Variants in PLCL2 observed in about 807,000 individuals in gnomAD.
The protein encoded by PLCL2 is inactive phospholipase C-like protein 2.
Under a neutral mutation model 79.6 loss-of-function variants are expected in PLCL2, and 4 were observed. The observed-to-expected ratio is 0.05, with a 90% confidence interval of 0.02 to 0.11. The LOEUF is 0.11. Ranked by LOEUF, PLCL2 falls within the 10% of genes least tolerant of loss-of-function variation. PLCL2 has a pLI of 1.00. For synonymous variants in PLCL2, 484 were observed against 457.7 expected, an observed-to-expected ratio of 1.06 and a Z score of -0.73; for missense variants, 895 against 1,291.0, an observed-to-expected ratio of 0.69 and a Z score of 4.70.
chr3:16,944,155 A>G (rs539051174), intron 1 of PLCL2, among the ~76,000 whole-genome samples: 45 of 152,338 alleles, frequency 3.0e-4, no homozygotes, highest in African/African-American at 1.0e-3. Flanking sequence ...GTATATGGAG[A>G]TGATAATACT....
chr3:16,952,360 CAAAAAAAAAAAAAAAAAAA>C (rs35421244), intron 1 of PLCL2, among the ~76,000 whole-genome samples: 106 of 22,636 alleles, frequency 4.7e-3, no homozygotes, highest in Non-Finnish European at 7.0e-3. Context: ...GAACTTAAAG[CAAAAAAAAAAAAAAAAAAA>C]AAAAAAAAAA....
intron 4 of PLCL2, among the ~76,000 whole-genome samples, chr3:17,043,213 G>A (rs2064744759): frequency 6.6e-6 from 1 of 152,150 alleles, no homozygotes; most frequent in Non-Finnish European, 1.5e-5. Context: ...TGTTTCTAAT[G>A]TACAGCCAAA....
chr3:16,990,029 T>G lies in PLCL2; in HGVS notation c.328-19645T>G, dbSNP rs549452644. 2.6e-5 allele frequency among the ~76,000 whole-genome samples: 4 copies of G among 152,200 alleles called. No individual in the cohort carries two copies. In the South Asian group the frequency reaches 8.3e-4, roughly 32 times the overall value. Reference sequence around the variant, plus strand: ...AAGGAAGCGTATCTGAGATTGTCACTCAACTGGGAATGATATAGGCAGAGG... The same window carrying G: ...AAGGAAGCGTATCTGAGATTGTCACGCAACTGGGAATGATATAGGCAGAGG... On this transcript the variant is annotated intron_variant, in intron 1 of 5. Transcript: ENST00000615277.
intron 1 of PLCL2, among the ~76,000 whole-genome samples, chr3:16,919,263 A>G (rs1275810530): frequency 6.6e-6 from 1 of 152,096 alleles, no homozygotes; most frequent in Non-Finnish European, 1.5e-5. Context: ...TTTTTGTACT[A>G]TTTAGTTATA....
intron 1 of PLCL2, among the ~76,000 whole-genome samples, chr3:16,888,171 A>G (rs1284072308): frequency 6.6e-6 from 1 of 152,146 alleles, no homozygotes; most frequent in African/African-American, 2.4e-5. Context: ...AGAAAGGGGG[A>G]CTATTGCTAA....
At chr3:17,030,966 A>T (rs1290946645) in intron 3 of PLCL2, among the ~76,000 whole-genome samples, 3 of 150,200 alleles carry the variant, frequency 2.0e-5, no homozygotes, top group Non-Finnish European at 4.4e-5. Flanking sequence ...TTCAAATTGT[A>T]TCCTTTTAAA....
At chr3:16,896,025 T>A (rs1377578465) in intron 1 of PLCL2, among the ~76,000 whole-genome samples, 1 of 152,214 alleles carries the variant, frequency 6.6e-6, no homozygotes, top group Non-Finnish European at 1.5e-5. Flanking sequence ...TGATTCCAAA[T>A]GTGGGTTTAC....
At chr3:16,943,842 G>T (rs1244190779) in intron 1 of PLCL2, among the ~76,000 whole-genome samples, 2 of 152,030 alleles carry the variant, frequency 1.3e-5, no homozygotes, top group Admixed American at 6.6e-5. Flanking sequence ...TCTAATTAAG[G>T]TCTCTTCTAG....
intron 1 of PLCL2, among the ~76,000 whole-genome samples, chr3:17,006,443 A>G (rs1367199537): frequency 6.6e-6 from 1 of 152,198 alleles, no homozygotes; most frequent in Admixed American, 6.5e-5. Context: ...TCCCAGCCAG[A>G]GATTCTGGTC....
chr3:17,020,075 A>G (rs2064431482), intron 3 of PLCL2, among the ~76,000 whole-genome samples: 1 of 152,180 alleles, frequency 6.6e-6, no homozygotes, highest in African/African-American at 2.4e-5. Flanking sequence ...GACTTTTACT[A>G]TTCTTTTTAT....
intron 4 of PLCL2, among the ~76,000 whole-genome samples, chr3:17,061,566 A>G (rs1357789479): frequency 1.3e-5 from 2 of 152,130 alleles, no homozygotes; most frequent in Admixed American, 1.3e-4. Flanking sequence ...TATTTAAAAT[A>G]TTTAAATTAT....
At chr3:16,968,791 G>A (rs1251906730) in intron 1 of PLCL2, among the ~76,000 whole-genome samples, 9 of 151,542 alleles carry the variant, frequency 5.9e-5, no homozygotes. Flanking sequence ...CTCTGGCTAG[G>A]AGTGGTGGGA....
chr3:16,975,663 G>A (rs1200278229), intron 1 of PLCL2, among the ~76,000 whole-genome samples: 1 of 152,124 alleles, frequency 6.6e-6, no homozygotes, highest in Non-Finnish European at 1.5e-5. Context: ...GGGACGTGGG[G>A]CGGCAGGAGT....
intron 5 of PLCL2, among the ~76,000 whole-genome samples, chr3:17,076,775 T>C (rs781424455): frequency 6.6e-5 from 10 of 152,210 alleles, no homozygotes; most frequent in Non-Finnish European, 1.3e-4. Context: ...GGTGTAAGAA[T>C]TACCGCACTC....
intron 4 of PLCL2, among the ~76,000 whole-genome samples, chr3:17,065,587 C>T (rs1226674989): frequency 1.3e-5 from 2 of 152,216 alleles, no homozygotes; most frequent in South Asian, 2.1e-4. Context: ...GCACCATAAA[C>T]AGTCTGCCCC....
At position 17,074,336 on chromosome 3, in the gene PLCL2, G is replaced by A. The variant is rs182958638; in HGVS notation, c.3204+6271G>A. On this transcript the variant is annotated intron_variant, in intron 5 of 5. Coordinates refer to ENST00000615277, the MANE Select transcript of PLCL2 (RefSeq NM_001144382.2). The stretch of plus-strand genomic sequence containing the variant: ...TTTTACTGAGCAGTAGGTCCCAGCT[G>A]TGGGCTTAAAATATTCAGGAAACCA... Among the ~76,000 whole-genome samples the A allele has an allele frequency of 1.4e-4, 22 of 152,302 alleles. No homozygotes were observed. The East Asian group carries it at 4.2e-3, about 29-fold the overall frequency.
chr3:16,988,781 A>C (rs1436546971), intron 1 of PLCL2, among the ~76,000 whole-genome samples: 1 of 152,172 alleles, frequency 6.6e-6, no homozygotes, highest in Non-Finnish European at 1.5e-5. Context: ...TAAACTTTCA[A>C]GCAAAATATG....
intron 3 of PLCL2, among the ~76,000 whole-genome samples, chr3:17,016,100 T>C (rs1220226705): frequency 6.6e-6 from 1 of 152,202 alleles, no homozygotes; most frequent in Non-Finnish European, 1.5e-5. Context: ...AACCTTTTAT[T>C]TGCTATCACC....
At chr3:16,932,824 CCTCA>C (rs1209918696) in intron 1 of PLCL2, among the ~76,000 whole-genome samples, 1 of 152,184 alleles carries the variant, frequency 6.6e-6, no homozygotes, top group Non-Finnish European at 1.5e-5. Flanking sequence ...GAAGAAACAG[CCTCA>C]CTCTGTCTTG....
Sources: allele counts gnomAD v4.1 joint callset (sites outside exome capture counted in the v4.1 genomes callset), GRCh38; gene constraint gnomAD v4.1.1; transcripts MANE v1.5; gene names NCBI Gene and HGNC (gene_info 2026-07-23, HGNC 2026-07-21).